The following DOCK1 variants were observed in gnomAD, a reference collection of about 807,000 sequenced individuals.
DOCK1 encodes dedicator of cytokinesis protein 1.
In DOCK1, 138 loss-of-function variants were observed where a neutral mutation model predicts 262.7. That is an observed-to-expected ratio of 0.53 (90% CI 0.46 to 0.61). DOCK1 has a LOEUF of 0.61. Among genes scored for constraint, DOCK1 ranks in the 20% least tolerant of loss-of-function variants. DOCK1 has a pLI of 0.00. For missense variants in DOCK1, 1,908 were observed against 2,370.7 expected (o/e 0.80, Z 4.05); for synonymous variants, 866 against 867.4 (o/e 1.00, Z 0.03).
chr10:127,451,765 A>G lies in DOCK1; in HGVS notation c.*338A>G, dbSNP rs2070987291. On this transcript the variant is annotated 3_prime_UTR_variant, in exon 52 of 52. Coordinates refer to ENST00000623213, the MANE Select transcript of DOCK1 (RefSeq NM_001290223.2). ...ATGACTTGCATTTGCAAAGAGCTCA[A>G]TTGCTCTGAGCTCAGCCAAGTAGGA... 8.9e-6 allele frequency: 3 copies of G among 338,124 alleles called. No homozygotes were observed. Among genetic ancestry groups the G allele is most frequent in the African/African-American group, 4.2e-5 (2 of 47,066 alleles). 20.9% of individuals were successfully genotyped at this position (338,124 alleles called of 1,614,324 possible).
At chr10:127,427,474 G>A (rs1315082572) in intron 47 of DOCK1, among the ~76,000 whole-genome samples, 1 of 152,190 alleles carries the variant, frequency 6.6e-6, no homozygotes. Context: ...CCTAAGTGCT[G>A]TATAGATACT....
chr10:127,087,062 C>T (rs2047242275), intron 23 of DOCK1, among the ~76,000 whole-genome samples: 2 of 152,298 alleles, frequency 1.3e-5, no homozygotes, highest in Admixed American at 6.5e-5. Flanking sequence ...TCATGGACTA[C>T]ATAAGCCTCC....
intron 12 of DOCK1, among the ~76,000 whole-genome samples, chr10:127,017,011 A>AC (rs1591665750): frequency 5.5e-5 from 8 of 146,016 alleles, no homozygotes; most frequent in Admixed American, 1.4e-4. Context: ...ACCACAAATA[A>AC]ACACAGATAT....
chr10:127,275,375 T>A (rs1397026272), intron 29 of DOCK1, among the ~76,000 whole-genome samples: 1 of 152,118 alleles, frequency 6.6e-6, no homozygotes, highest in South Asian at 2.1e-4. Flanking sequence ...GGACCAGAGC[T>A]GCCTCAGTGG....
At chr10:127,420,281 C>A (rs1269203296) in intron 46 of DOCK1, among the ~76,000 whole-genome samples, 1 of 152,058 alleles carries the variant, frequency 6.6e-6, no homozygotes, top group African/African-American at 2.4e-5. Context: ...GGAGCCTTTC[C>A]CAGAGGGCCA....
rs376988297 is a variant in DOCK1, at chr10:127,175,877, C to G, written c.2847+48113C>G. On this transcript the variant is annotated intron_variant, in intron 27 of 51. Coordinates refer to ENST00000623213, the MANE Select transcript of DOCK1 (RefSeq NM_001290223.2). This position sits in a 1 kb window ranked among gnomAD's most constrained non-coding sequence, Gnocchi z 6.3. ...TCATGTGTTGGTTGGAATGGAAAACCAAGGCTGTGGTCTTGTGCACCCGCC... is the reference window on the plus strand; with the variant it reads ...TCATGTGTTGGTTGGAATGGAAAACGAAGGCTGTGGTCTTGTGCACCCGCC... 5 of 1,614,058 alleles carry G rather than the reference C, an allele frequency of 3.1e-6. No homozygotes were observed. The African/African-American group carries it at 6.7e-5, about 22-fold the overall frequency.
chr10:127,415,199 T>C lies in DOCK1; in HGVS notation c.4476T>C (p.Pro1492=). ...TATATACAACTGCATATAAATTACCTGGAATTTTAAGGTGGTTTGAGGTCA... is the reference window on the plus strand; with the variant it reads ...TATATACAACTGCATATAAATTACCCGGAATTTTAAGGTGGTTTGAGGTCA... ...RTIYTTAYKL[P]GILRWFEVKS... is the part of the protein sequence containing the mutation. The change falls in exon 44 of 52, where the codon CCT becomes CCC. Residue 1492 remains proline, a synonymous_variant. Coordinates refer to ENST00000623213, the MANE Select transcript of DOCK1 (RefSeq NM_001290223.2). 1.2e-6 allele frequency: 2 copies of C among 1,613,264 alleles called. No individual in the cohort carries two copies. Among genetic ancestry groups the C allele is most frequent in the Non-Finnish European group, 1.7e-6 (2 of 1,179,822 alleles).
intron 48 of DOCK1, among the ~76,000 whole-genome samples, chr10:127,434,921 G>T (rs1243451278): frequency 6.6e-6 from 1 of 152,060 alleles, no homozygotes; most frequent in Non-Finnish European, 1.5e-5. Flanking sequence ...CAAAATGCTG[G>T]GATTACAGGT....
intron 27 of DOCK1, among the ~76,000 whole-genome samples, chr10:127,152,942 G>T (rs1162338730): frequency 6.6e-6 from 1 of 152,194 alleles, no homozygotes; most frequent in Non-Finnish European, 1.5e-5. Flanking sequence ...TTTCCCTTGG[G>T]AGAGAACCCT....
rs145998342 is a variant in DOCK1, at chr10:126,906,091, G to A, written c.46+528G>A. Among the ~76,000 whole-genome samples the A allele has an allele frequency of 8.2e-3, 1,245 of 152,246 alleles. 13 individuals are homozygous for A. The highest frequency in any genetic ancestry group is 0.028 in the African/African-American group (1,171 of 41,558). On this transcript the variant is annotated intron_variant, in intron 1 of 51. Coordinates refer to ENST00000623213, the MANE Select transcript of DOCK1 (RefSeq NM_001290223.2). The stretch of plus-strand genomic sequence containing the variant: ...GGGGAGGAGGGGGCGCGACCTGGGT[G>A]GCCAGCGCCCCTTGCCCCTCGGCGG...
intron 23 of DOCK1, 97 bp from the exon 24 acceptor site, chr10:127,106,134 C>T: frequency 8.1e-7 from 1 of 1,230,090 alleles, no homozygotes; most frequent in Non-Finnish European, 1.1e-6. Flanking sequence ...TCTTTCTCTT[C>T]TCAGTATTTC....
chr10:127,256,837 C>A (rs2059840956), intron 28 of DOCK1, among the ~76,000 whole-genome samples: 1 of 152,178 alleles, frequency 6.6e-6, no homozygotes. Flanking sequence ...TGGTTTATTG[C>A]ATGCCAAATC....
In DOCK1 at chr10:127,446,207, AC is replaced by A. The variant is rs2070537517; in HGVS notation, c.5414-1185del. Among the ~76,000 whole-genome samples the A allele has an allele frequency of 6.6e-6, 1 of 151,774 alleles. No individual in the cohort carries two copies. Among genetic ancestry groups the A allele is most frequent in the Admixed American group, 6.6e-5 (1 of 15,232 alleles). ...GGAGGTTGCAGTGAGCTGAGATCGC[AC>A]CACTGCACTCCAGCCTGGGCGACAC... On this transcript the variant is annotated intron_variant, in intron 50 of 51. Transcript: ENST00000623213. The surrounding 1 kb of genome is among the most constrained non-coding windows in gnomAD (Gnocchi z 4.4).
chr10:127,114,339 T>G lies in DOCK1; in HGVS notation c.2623+3985T>G, dbSNP rs531370370. The stretch of plus-strand genomic sequence containing the variant: ...CCAGCTACACACATGTGTAGTTGAC[T>G]TGATTGAAGGGAGGTAAAGGTTTGG... On this transcript the variant is annotated intron_variant, in intron 25 of 51. Coordinates refer to ENST00000623213, the MANE Select transcript of DOCK1 (RefSeq NM_001290223.2). 4.7e-4 allele frequency among the ~76,000 whole-genome samples: 71 copies of G among 152,298 alleles called. 1 individual carries two copies. Among genetic ancestry groups the G allele is most frequent in the Admixed American group, 1.2e-3 (19 of 15,290 alleles).
chr10:127,423,535 A>T (rs956423653), intron 46 of DOCK1, among the ~76,000 whole-genome samples: 1 of 152,210 alleles, frequency 6.6e-6, no homozygotes, highest in South Asian at 2.1e-4. Context: ...CAAAGGCACA[A>T]TTCCATCTTT....
At chr10:126,961,823 A>G (rs1242786045) in intron 1 of DOCK1, among the ~76,000 whole-genome samples, 1 of 152,168 alleles carries the variant, frequency 6.6e-6, no homozygotes, top group African/African-American at 2.4e-5. Context: ...GCAAATATCT[A>G]TTCCAGACCT....
At chr10:127,376,192 A>C (rs899663188) in intron 35 of DOCK1, among the ~76,000 whole-genome samples, 2 of 152,254 alleles carry the variant, frequency 1.3e-5, no homozygotes, top group African/African-American at 4.8e-5. Context: ...AAAGTAGATA[A>C]AACATAAAAG....
intron 27 of DOCK1, among the ~76,000 whole-genome samples, chr10:127,207,146 T>C: frequency 6.6e-6 from 1 of 152,208 alleles, no homozygotes; most frequent in East Asian, 1.9e-4. Context: ...TTCTCCAGTC[T>C]TAATTGAGCT....
intron 6 of DOCK1, among the ~76,000 whole-genome samples, chr10:126,991,749 A>C (rs905610587): frequency 4.6e-5 from 7 of 152,096 alleles, no homozygotes; most frequent in African/African-American, 1.7e-4. Flanking sequence ...GGCTGATCTC[A>C]AACTCCCTAC....
Sources: gnomAD v4.1 joint callset for allele counts (sites outside exome capture counted in the v4.1 genomes callset) on GRCh38, gnomAD v4.1.1 for gene constraint, Gnocchi (gnomAD v3.1) non-coding constraint, MANE v1.5 for transcripts, NCBI Gene and HGNC (gene_info 2026-07-23, HGNC 2026-07-21) for gene names.